The following SPTBN2 variants were observed in gnomAD, a reference collection of about 807,000 sequenced individuals.
SPTBN2 encodes spectrin beta chain, non-erythrocytic 2.
Under a neutral mutation model 284.2 loss-of-function variants are expected in SPTBN2, and 107 were observed. The ratio of observed to expected loss-of-function variants is 0.38; its 90% CI spans 0.32 to 0.44. The LOEUF (loss-of-function observed/expected upper bound fraction) is 0.44. Ranked by LOEUF, SPTBN2 falls within the 20% of genes least tolerant of loss-of-function variation. SPTBN2 has a pLI of 1.00. For missense variants in SPTBN2, 2,569 were observed against 3,287.1 expected (o/e 0.78, Z 5.34); for synonymous variants, 1,289 against 1,354.8 (o/e 0.95, Z 1.07).
chr11:66,699,606 T>C lies in SPTBN2; in HGVS notation c.3576A>G (p.Glu1192=). The change falls in exon 18 of 38, where the codon GAA becomes GAG. Residue 1192 remains glutamate, a splice_region_variant and synonymous_variant. Coordinates refer to ENST00000533211, the MANE Select transcript of SPTBN2 (RefSeq NM_006946.4). Reference sequence around the variant, plus strand: ...GCATCTCCGTGTGAGACAGAACATATTCCTGTGTGGGAGGGATGACATTCA... The same window carrying C: ...GCATCTCCGTGTGAGACAGAACATACTCCTGTGTGGGAGGGATGACATTCA... The part of the protein sequence containing the change: ...RQAEGVLSSQ[E]YVLSHTEMPG... 6.2e-7 allele frequency: 1 copy of C among 1,614,022 alleles called. No individual in the cohort carries two copies. The highest frequency in any genetic ancestry group is 2.2e-5 in the East Asian group (1 of 44,870).
At position 66,683,818 on chromosome 11, in the gene SPTBN2, C is replaced by G. The variant is rs892804006; in HGVS notation, c.*2053G>C. 1.3e-5 allele frequency among the ~76,000 whole-genome samples: 2 copies of G among 152,204 alleles called. No homozygotes were observed. The highest frequency in any genetic ancestry group is 4.8e-5 in the African/African-American group (2 of 41,440). ...CCCCCAGGCTTGCCAGCTTGGAGTG[C>G]AAATACCTAGATTCCCTGAGCACCC... On this transcript the variant is annotated 3_prime_UTR_variant, in exon 38 of 38. Transcript: ENST00000533211.
intron 1 of SPTBN2, among the ~76,000 whole-genome samples, chr11:66,737,932 A>G (rs1165755825): frequency 3.9e-5 from 6 of 152,138 alleles, no homozygotes; most frequent in Non-Finnish European, 7.4e-5. Flanking sequence ...CTTCTAATTT[A>G]GGCCGGGTAC....
chr11:66,696,756 A>AC (rs1240444702), intron 20 of SPTBN2, among the ~76,000 whole-genome samples: 1 of 152,076 alleles, frequency 6.6e-6, no homozygotes, highest in Non-Finnish European at 1.5e-5. Context: ...CTCCTTCAAG[A>AC]CCCAGCTCAA....
At position 66,715,371 on chromosome 11, in the gene SPTBN2, G is replaced by A. The variant is rs1309547051; in HGVS notation, c.334C>T (p.Arg112Trp). 3 of 1,613,746 alleles carry A rather than the reference G, an allele frequency of 1.9e-6. No homozygotes were observed. The highest frequency in any genetic ancestry group is 1.1e-5 in the South Asian group (1 of 91,078). Residue 112 changes from arginine to tryptophan, a missense_variant, in exon 5 of 38, where the codon CGG becomes TGG. This residue lies in a region of SPTBN2 where 304 missense variants were observed against 522.1 expected (regional missense o/e 0.58). Coordinates refer to ENST00000533211, the MANE Select transcript of SPTBN2 (RefSeq NM_006946.4). This position sits in a 1 kb window ranked among gnomAD's most constrained non-coding sequence, Gnocchi z 5.3. Reference sequence around the variant, plus strand: ...TCCACGTTCTCCAGGCAGTGGATCCGCATGCGGCCCTTTGTAGGCTTTGGC... The same window carrying A: ...TCCACGTTCTCCAGGCAGTGGATCCACATGCGGCCCTTTGTAGGCTTTGGC... ...ILPKPTKGRM[R>W]IHCLENVDKA...
chr11:66,732,569 G>A (rs1326776639), upstream of SPTBN2, among the ~76,000 whole-genome samples: 1 of 147,132 alleles, frequency 6.8e-6, no homozygotes, highest in African/African-American at 2.5e-5. Context: ...AGAATTGCTT[G>A]AACCCGGGAG....
chr11:66,686,184 G>A (rs950886446), intron 37 of SPTBN2, 80 bp from the exon 38 acceptor site: 12 of 1,471,564 alleles, frequency 8.2e-6, no homozygotes, highest in South Asian at 2.3e-5. Flanking sequence ...AAGTGTAAGA[G>A]GAGGAGGCAG....
intron 3 of SPTBN2, 38 bp from the exon 4 acceptor site, chr11:66,716,019 T>G: frequency 6.2e-7 from 1 of 1,612,964 alleles, no homozygotes. Context: ...GTCCCTCGAG[T>G]TCAGTATGCC....
In SPTBN2 at chr11:66,708,130, T is replaced by C; in HGVS notation, c.1350+11A>G. On this transcript the variant is annotated intron_variant, in intron 12 of 37. Transcript: ENST00000533211. This position sits in a 1 kb window ranked among gnomAD's most constrained non-coding sequence, Gnocchi z 4.4. ...GACCAGCCTAAGCATCCTAGGAGCCTCAAGTCCTACCTGGGACACGAGGCG... is the reference window on the plus strand; with the variant it reads ...GACCAGCCTAAGCATCCTAGGAGCCCCAAGTCCTACCTGGGACACGAGGCG... 6.2e-7 allele frequency: 1 copy of C among 1,613,196 alleles called. No homozygotes were observed. The highest frequency in any genetic ancestry group is 8.5e-7 in the Non-Finnish European group (1 of 1,179,904).
Position 66,734,289 on chromosome 11 carries a change from G to C in SPTBN2, c.-474-5097C>G, listed in dbSNP as rs1001560925. Among the ~76,000 whole-genome samples the C allele has an allele frequency of 3.3e-5, 5 of 152,108 alleles. No individual in the cohort carries two copies. In the South Asian group the frequency reaches 8.3e-4, roughly 25 times the overall value. ...GGCCATCTTATCTACTGTGCGGCTAGAGTAGTCTCTTTAATACATCAGACA... is the reference window on the plus strand; with the variant it reads ...GGCCATCTTATCTACTGTGCGGCTACAGTAGTCTCTTTAATACATCAGACA... On this transcript the variant is annotated intron_variant, in intron 1 of 37. Coordinates refer to the SPTBN2 transcript ENST00000611817.
chr11:66,723,631 G>C (rs769280754), intron 1 of SPTBN2, among the ~76,000 whole-genome samples: 1 of 152,132 alleles, frequency 6.6e-6, no homozygotes, highest in Non-Finnish European at 1.5e-5. Context: ...GTAGATTTGG[G>C]CTTTAATTCC....
At chr11:66,734,972 T>A (rs480638) in intron 1 of SPTBN2, among the ~76,000 whole-genome samples, 3 of 152,210 alleles carry the variant, frequency 2.0e-5, no homozygotes, top group Non-Finnish European at 2.9e-5. Flanking sequence ...GCCCTCTGCA[T>A]AGGGATGATA....
chr11:66,727,492 C>T (rs1432943226), intron 1 of SPTBN2, among the ~76,000 whole-genome samples: 2 of 152,232 alleles, frequency 1.3e-5, no homozygotes, highest in African/African-American at 2.4e-5. Flanking sequence ...AGCCGGAACA[C>T]CCCCGCGAGC....
intron 20 of SPTBN2, 91 bp from the exon 21 acceptor site, chr11:66,696,631 A>G: frequency 6.5e-7 from 1 of 1,543,802 alleles, no homozygotes. Flanking sequence ...GGCAGTAGAG[A>G]CCTGAAGTGT....
At chr11:66,706,616 C>T (rs1941573815) in intron 13 of SPTBN2, among the ~76,000 whole-genome samples, 1 of 151,228 alleles carries the variant, frequency 6.6e-6, no homozygotes, top group African/African-American at 2.4e-5. Flanking sequence ...TAGGCGTGAG[C>T]CACCTTGCCT....
rs762025497 is a variant in SPTBN2, at chr11:66,688,201, G to A, written c.6342C>T (p.Gly2114=). The A allele has an allele frequency of 6.2e-6, 10 of 1,613,558 alleles. No homozygotes were observed. In the East Asian group the frequency reaches 1.6e-4, roughly 25 times the overall value. The part of the protein sequence containing the change: ...TASVPPGDLV[G]GQTASDTTWD... Reference sequence around the variant, plus strand: ...AGGTGGTGTCAGAAGCTGTCTGGCCGCCCACCAGGTCCCCTGGAGGCACAC... The same window carrying A: ...AGGTGGTGTCAGAAGCTGTCTGGCCACCCACCAGGTCCCCTGGAGGCACAC... Residue 2114 remains glycine (G), a synonymous_variant, in exon 32 of 38, where the codon GGC becomes GGT. Coordinates refer to ENST00000533211, the MANE Select transcript of SPTBN2 (RefSeq NM_006946.4).
rs780399931 is a variant in SPTBN2 at position 66,715,839 on chromosome 11, T to TC, written c.299dup (p.Glu101ArgfsTer40). 2 of 1,613,412 alleles carry TC rather than the reference T, an allele frequency of 1.2e-6. No individual in the cohort carries two copies. Among genetic ancestry groups the TC allele is most frequent in the Non-Finnish European group, 1.7e-6 (2 of 1,179,876 alleles). On this transcript the variant is annotated frameshift_variant, in exon 4 of 38. Transcript: ENST00000533211. LOFTEE classifies it high-confidence loss of function. The surrounding 1 kb of genome is among the most constrained non-coding windows in gnomAD (Gnocchi z 5.3). ...CATGACCACAGCTCACCAGTATCTC[T>TC]CCCGAGAGCACCTCGAGGAGCCTCA...
Position 66,715,702 on chromosome 11 carries a change from T to C in SPTBN2, c.309+128A>G. 7.6e-7 allele frequency: 1 copy of C among 1,312,516 alleles called. No homozygotes were observed. 81.3% of individuals were successfully genotyped at this position (1,312,516 alleles called of 1,614,324 possible). ...GGCAAAGGCACTTGAAATGAACCCA[T>C]CCTCTGAGCAGAGGGAGCCACTGCT... On this transcript the variant is annotated intron_variant, in intron 4 of 37. Coordinates refer to ENST00000533211, the MANE Select transcript of SPTBN2 (RefSeq NM_006946.4). The surrounding 1 kb of genome is among the most constrained non-coding windows in gnomAD (Gnocchi z 5.3).
In SPTBN2 at chr11:66,700,904, C is replaced by T; in HGVS notation, c.3195G>A (p.Arg1065=). The T allele has an allele frequency of 6.2e-7, 1 of 1,600,834 alleles. No homozygotes were observed. Among genetic ancestry groups the T allele is most frequent in the Non-Finnish European group, 8.5e-7 (1 of 1,179,836 alleles). ...AGCTGCGCAAGAAGTCCTGCAGCCG[C>T]CGCGCCTCCCCCAGCGACTCTTCTC... ...RRREESLGEA[R]RLQDFLRSLD... is the part of the protein sequence containing the mutation. The change falls in exon 17 of 38, where the codon CGG becomes CGA. Residue 1065 remains arginine (R), a synonymous_variant. Transcript: ENST00000533211. The surrounding 1 kb of genome is among the most constrained non-coding windows in gnomAD (Gnocchi z 6.6).
At position 66,707,694 on chromosome 11, in the gene SPTBN2, GC is replaced by G; in HGVS notation, c.1474del (p.Ala492ProfsTer59). 1 of 1,605,268 alleles carries G rather than the reference GC, an allele frequency of 6.2e-7. No individual in the cohort carries two copies. Among genetic ancestry groups the G allele is most frequent in the South Asian group, 1.1e-5 (1 of 91,022 alleles). Reference sequence around the variant, plus strand: ...CTTGATGTCGTGGTAGCGCTCGGCGGCCAGCTCTGCAGCCACGGCGTCCACT... The same window carrying G: ...CTTGATGTCGTGGTAGCGCTCGGCGGCAGCTCTGCAGCCACGGCGTCCACT... ...QAVDAVAAEL[A>X]AERYHDIKRI... is the part of the protein sequence containing the mutation. On this transcript the variant is annotated frameshift_variant, in exon 13 of 38. Coordinates refer to ENST00000533211, the MANE Select transcript of SPTBN2 (RefSeq NM_006946.4). LOFTEE classifies it high-confidence loss of function. This position sits in a 1 kb window ranked among gnomAD's most constrained non-coding sequence, Gnocchi z 4.9.
Sources: allele counts gnomAD v4.1 joint callset (sites outside exome capture counted in the v4.1 genomes callset), GRCh38; gene constraint gnomAD v4.1.1; regional missense constraint gnomAD v4.1.1; non-coding constraint Gnocchi (gnomAD v3.1); transcripts MANE v1.5; gene names NCBI Gene and HGNC (gene_info 2026-07-23, HGNC 2026-07-21).